Variants in GATA6 observed in about 807,000 individuals in gnomAD.
GATA6 encodes GATA binding protein 6.
In GATA6, 11 loss-of-function variants were observed where a neutral mutation model predicts 48.1. That is an observed-to-expected ratio of 0.23 (90% CI 0.14 to 0.38). The LOEUF is 0.38. Among genes scored for constraint, GATA6 ranks in the 10% least tolerant of loss-of-function variants. GATA6 has a pLI of 1.00. For missense variants in GATA6, 795 were observed against 850.3 expected, an observed-to-expected ratio of 0.93 and a Z score of 0.81; for synonymous variants, 419 against 396.1, an observed-to-expected ratio of 1.06 and a Z score of -0.69.
intron 2 of GATA6, among the ~76,000 whole-genome samples, chr18:22,174,422 C>T (rs1239835484): frequency 6.6e-6 from 1 of 152,120 alleles, no homozygotes; most frequent in Non-Finnish European, 1.5e-5. Context: ...TAATATGTTT[C>T]TTTTTGTTTT....
At chr18:22,181,353 C>G in intron 3 of GATA6, 100 bp from the exon 4 acceptor site, 1 of 1,343,228 alleles carries the variant, frequency 7.4e-7, no homozygotes, top group Non-Finnish European at 1.1e-6. Context: ...AAAACAGATA[C>G]ATACTTGTTG....
chr18:22,177,033 G>T lies in GATA6; in HGVS notation c.1214G>T (p.Gly405Val), dbSNP rs976181170. Residue 405 changes from glycine to valine, a missense_variant, in exon 3 of 7, where the codon GGC becomes GTC. Physicochemically the swap from Gly to Val is moderately radical, Grantham distance 109. This residue lies in a region of GATA6 where 76 missense variants were observed against 113.1 expected (regional missense o/e 0.67). Transcript: ENST00000269216. ...SIQTPLWRRD[G>V]TGHYLCNACG... ...CAGACGCCGCTGTGGCGGCGGGACG[G>T]CACCGGCCACTACCTGTGCAACGCC... 1 of 1,575,724 alleles carries T rather than the reference G, an allele frequency of 6.3e-7. No individual in the cohort carries two copies.
chr18:22,174,146 G>T lies in GATA6; in HGVS notation c.1135+1867G>T, dbSNP rs117662397. ...GCTGGGAATCTCTAAGGAGGTAATG[G>T]TTGGGTGTGAAGCTTATTTTGTCAG... On this transcript the variant is annotated intron_variant, in intron 2 of 6. Transcript: ENST00000269216. 3.9e-4 allele frequency among the ~76,000 whole-genome samples: 59 copies of T among 152,332 alleles called. No homozygotes were observed. The East Asian group carries it at 9.7e-3, about 25-fold the overall frequency.
rs985435709 is a variant in GATA6, at chr18:22,201,193, C to G, written c.*370C>G. On this transcript the variant is annotated 3_prime_UTR_variant, in exon 7 of 7. Coordinates refer to ENST00000269216, the MANE Select transcript of GATA6 (RefSeq NM_005257.6). ...CTTCTTCTGATCAATTTTGGTTGTT[C>G]CAGAATTTCTTCATACCTTTTCCAC... The G allele has an allele frequency of 3.9e-6, 1 of 257,006 alleles. No homozygotes were observed. The highest frequency in any genetic ancestry group is 7.6e-6 in the Non-Finnish European group (1 of 131,470). 15.9% of individuals were successfully genotyped at this position (257,006 alleles called of 1,614,324 possible).
rs754341327 is a variant in GATA6, at chr18:22,201,689, C to T, written c.*866C>T. The T allele has an allele frequency of 1.3e-5, 2 of 152,636 alleles. No homozygotes were observed. The highest frequency in any genetic ancestry group is 6.5e-5 in the Admixed American group (1 of 15,284). The allele number at this position is 152,636 out of a possible 1,614,324, so 9.5% of individuals were successfully genotyped here. On this transcript the variant is annotated 3_prime_UTR_variant, in exon 7 of 7. Coordinates refer to ENST00000269216, the MANE Select transcript of GATA6 (RefSeq NM_005257.6). ...AATATTTCAAGAACAAATCTTCTCT[C>T]AGGAAAATTGCCTTTCTCTATTTGT...
intron 6 of GATA6, 64 bp from the exon 7 acceptor site, chr18:22,200,592 A>G: frequency 6.3e-7 from 1 of 1,599,504 alleles, no homozygotes; most frequent in Non-Finnish European, 8.6e-7. Flanking sequence ...CATGTATTTC[A>G]CTACCAGGAT....
intron 2 of GATA6, chr18:22,176,367 C>T (rs559814563): frequency 6.6e-6 from 1 of 152,198 alleles, no homozygotes; most frequent in Non-Finnish European, 1.5e-5. Flanking sequence ...TTCTAACTAA[C>T]GTAGGTGCCT....
chr18:22,192,401 A>G (rs937819574), intron 6 of GATA6, among the ~76,000 whole-genome samples: 4 of 152,234 alleles, frequency 2.6e-5, no homozygotes, highest in African/African-American at 9.6e-5. Context: ...CCAAGATATT[A>G]GAATAAGATC....
chr18:22,190,008 C>T (rs1383651332), intron 6 of GATA6, among the ~76,000 whole-genome samples: 6 of 152,132 alleles, frequency 3.9e-5, no homozygotes, highest in Non-Finnish European at 8.8e-5. Context: ...GCCACTACAG[C>T]GTGTTAGATT....
In GATA6 at chr18:22,181,476, G is replaced by A; in HGVS notation, c.1326G>A (p.Leu442=). ...KRVPSSRRLG[L]SCANCHTTTT... is the part of the protein sequence containing the mutation. Reference sequence around the variant, plus strand: ...AGCCTTCATCACGGCGGCTTGGATTGTCCTGTGCCAACTGTCACACCACAA... The same window carrying A: ...AGCCTTCATCACGGCGGCTTGGATTATCCTGTGCCAACTGTCACACCACAA... The change falls in exon 4 of 7, where the codon TTG becomes TTA. Residue 442 remains leucine, a synonymous_variant. Coordinates refer to ENST00000269216, the MANE Select transcript of GATA6 (RefSeq NM_005257.6). 1.2e-6 allele frequency: 2 copies of A among 1,614,130 alleles called. No homozygotes were observed. The highest frequency in any genetic ancestry group is 1.7e-6 in the Non-Finnish European group (2 of 1,180,026).
At position 22,171,398 on chromosome 18, in the gene GATA6, C is replaced by T; in HGVS notation, c.254C>T (p.Ser85Leu). Residue 85 changes from serine to leucine, a missense_variant, in exon 2 of 7, where the codon TCG becomes TTG. Around this residue, in one of 5 missense-constraint regions of GATA6, gnomAD observed 591 missense variants for 570.0 expected, o/e 1.04. Coordinates refer to ENST00000269216, the MANE Select transcript of GATA6 (RefSeq NM_005257.6). The surrounding 1 kb of genome is among the most constrained non-coding windows in gnomAD (Gnocchi z 7.1). ...ARSLLLSSYA[S>L]HPFGAPHGPS... ...TCGCTGCTGCTCAGTTCCTACGCTT[C>T]GCATCCCTTCGGGGCTCCCCACGGA... The T allele has an allele frequency of 1.3e-6, 2 of 1,588,098 alleles. No homozygotes were observed. The highest frequency in any genetic ancestry group is 1.7e-6 in the Non-Finnish European group (2 of 1,174,924).
Position 22,200,864 on chromosome 18 carries a change from C to G in GATA6, c.*41C>G. Reference sequence around the variant, plus strand: ...AGGCAGGGAGGGCTCCGCCGCGGGCCTCACTCCACTCGTGTCTGCTTTTGT... The same window carrying G: ...AGGCAGGGAGGGCTCCGCCGCGGGCGTCACTCCACTCGTGTCTGCTTTTGT... On this transcript the variant is annotated 3_prime_UTR_variant, in exon 7 of 7. Coordinates refer to ENST00000269216, the MANE Select transcript of GATA6 (RefSeq NM_005257.6). 6.4e-7 allele frequency: 1 copy of G among 1,570,924 alleles called. No individual in the cohort carries two copies. The highest frequency in any genetic ancestry group is 1.8e-5 in the Admixed American group (1 of 54,852).
At chr18:22,189,352 A>G (rs1483700029) in intron 6 of GATA6, among the ~76,000 whole-genome samples, 1 of 152,172 alleles carries the variant, frequency 6.6e-6, no homozygotes, top group African/African-American at 2.4e-5. Flanking sequence ...TTTCATATAT[A>G]ATATTTGCAT....
chr18:22,180,923 C>T (rs1028574244), intron 3 of GATA6, among the ~76,000 whole-genome samples: 3 of 151,492 alleles, frequency 2.0e-5, no homozygotes, highest in Admixed American at 6.6e-5. Context: ...CTATAGTGCA[C>T]GGCCAATTGC....
intron 4 of GATA6, among the ~76,000 whole-genome samples, chr18:22,181,918 CTG>C (rs139173840): frequency 4.6e-5 from 7 of 152,188 alleles, no homozygotes; most frequent in African/African-American, 1.4e-4. Context: ...ATGGTAGTAA[CTG>C]TTTTTAAAAA....
At chr18:22,179,583 G>T (rs1483312175) in intron 3 of GATA6, among the ~76,000 whole-genome samples, 1 of 152,164 alleles carries the variant, frequency 6.6e-6, no homozygotes, top group Non-Finnish European at 1.5e-5. Context: ...TAAATGGCTG[G>T]TTTATAAAGT....
chr18:22,169,950 GGTA>G (rs1181820589), intron 1 of GATA6, among the ~76,000 whole-genome samples: 22 of 152,252 alleles, frequency 1.4e-4, no homozygotes, highest in Non-Finnish European at 2.9e-5. Context: ...GGCGGGAGCC[GGTA>G]GTTAGGCAGG....
intron 6 of GATA6, among the ~76,000 whole-genome samples, chr18:22,187,741 C>A (rs1197568136): frequency 6.6e-6 from 1 of 151,944 alleles, no homozygotes; most frequent in East Asian, 1.9e-4. Flanking sequence ...ATAGCTCAAT[C>A]CCCAAATTTT....
intron 6 of GATA6, among the ~76,000 whole-genome samples, chr18:22,183,854 C>G (rs1267164804): frequency 6.6e-6 from 1 of 152,314 alleles, no homozygotes; most frequent in South Asian, 2.1e-4. Context: ...GCAGGGCCTG[C>G]GGCAAGCAGG....
Sources: allele counts gnomAD v4.1 joint callset (sites outside exome capture counted in the v4.1 genomes callset), GRCh38; gene constraint gnomAD v4.1.1; regional missense constraint gnomAD v4.1.1; non-coding constraint Gnocchi (gnomAD v3.1); transcripts MANE v1.5; gene names NCBI Gene and HGNC (gene_info 2026-07-23, HGNC 2026-07-21).